Variants in CD109 observed in about 807,000 individuals in gnomAD.
CD109 encodes CD109 molecule, also known as CD109 antigen.
In CD109, 149 loss-of-function variants were observed where a neutral mutation model predicts 165.8. The ratio of observed to expected loss-of-function variants is 0.90; its 90% confidence interval spans 0.79 to 1.03. The LOEUF (loss-of-function observed/expected upper bound fraction) is 1.03. Ranked by LOEUF, CD109 falls within the 50% of genes least tolerant of loss-of-function variation. The pLI is 0.00. For synonymous variants in CD109, 585 were observed against 592.1 expected, an observed-to-expected ratio of 0.99 and a Z score of 0.18; for missense variants, 1,712 against 1,677.8, an observed-to-expected ratio of 1.02 and a Z score of -0.36.
chr6:73,779,495 G>A (rs556926443), intron 15 of CD109, among the ~76,000 whole-genome samples: 47 of 152,036 alleles, frequency 3.1e-4, no homozygotes, highest in African/African-American at 1.1e-3. Flanking sequence ...TGATCCGCCC[G>A]CCTCGGCCTC....
At chr6:73,758,576 G>T (rs918168522) in intron 6 of CD109, among the ~76,000 whole-genome samples, 2 of 151,962 alleles carry the variant, frequency 1.3e-5, no homozygotes, top group East Asian at 1.9e-4. Context: ...GTAGAGATAG[G>T]ATTCACCATG....
At chr6:73,773,259 G>T (rs1769900725) in intron 15 of CD109, among the ~76,000 whole-genome samples, 2 of 150,594 alleles carry the variant, frequency 1.3e-5, no homozygotes, top group Non-Finnish European at 3.0e-5. Flanking sequence ...AATTTTTTCA[G>T]ATATTAAGAT....
chr6:73,769,734 A>G lies in CD109; in HGVS notation c.1674+1503A>G, dbSNP rs140694156. On this transcript the variant is annotated intron_variant, in intron 14 of 32. Coordinates refer to ENST00000287097, the MANE Select transcript of CD109 (RefSeq NM_133493.5). ...TAGAAATCATCCACACAGAAGTGCA[A>G]GTTGAAGCCATGGGGCTCTGAGGTA... 4.4e-4 allele frequency among the ~76,000 whole-genome samples: 67 copies of G among 152,324 alleles called. 1 individual carries two copies. The highest frequency in any genetic ancestry group is 6.8e-3 in the Middle Eastern group (2 of 294).
intron 11 of CD109, 49 bp from the exon 12 acceptor site, chr6:73,766,710 A>T (rs781266141): frequency 1.5e-6 from 2 of 1,309,102 alleles, no homozygotes; most frequent in Non-Finnish European, 2.2e-6. Context: ...TCTTTTCTCA[A>T]GGTGTTACTA....
chr6:73,762,511 A>G (rs965376163), intron 8 of CD109, 31 bp downstream of exon 8: 26 of 1,342,322 alleles, frequency 1.9e-5, no homozygotes, highest in Non-Finnish European at 2.7e-5. Flanking sequence ...ATAACTTGTG[A>G]TGGGTAAAAT....
intron 25 of CD109, among the ~76,000 whole-genome samples, 172 bp from the exon 26 acceptor site, chr6:73,807,911 G>A (rs574120297): frequency 6.6e-6 from 1 of 152,186 alleles, no homozygotes; most frequent in Non-Finnish European, 1.5e-5. Flanking sequence ...AAAATGCATG[G>A]CAAATCTTTA....
intron 26 of CD109, among the ~76,000 whole-genome samples, chr6:73,808,862 G>A (rs1303447570): frequency 1.3e-5 from 2 of 151,196 alleles, no homozygotes; most frequent in African/African-American, 4.9e-5. Flanking sequence ...GAGAGAGATG[G>A]AAGTGGGTGG....
intron 2 of CD109, among the ~76,000 whole-genome samples, chr6:73,719,927 A>G (rs1771882118): frequency 6.6e-6 from 1 of 152,320 alleles, no homozygotes; most frequent in Admixed American, 6.5e-5. Flanking sequence ...AGTCTTTCCC[A>G]TTAAAAGTAA....
intron 24 of CD109, among the ~76,000 whole-genome samples, chr6:73,804,617 C>T (rs1168869414): frequency 4.6e-5 from 7 of 152,180 alleles, no homozygotes; most frequent in Admixed American, 4.6e-4. Flanking sequence ...CAGATTTGGG[C>T]CAGGCAGATT....
chr6:73,783,740 A>G lies in CD109; in HGVS notation c.2139A>G (p.Val713=), dbSNP rs150533440. 121 of 1,612,358 alleles carry G rather than the reference A, an allele frequency of 7.5e-5. No individual in the cohort carries two copies. In the East Asian group the frequency reaches 1.6e-3, roughly 21 times the overall value. Reference sequence around the variant, plus strand: ...TTTACCAAGAATTTGAAGTAACTGTACCTGATTCTATCACTTCTTGGGTGG... The same window carrying G: ...TTTACCAAGAATTTGAAGTAACTGTGCCTGATTCTATCACTTCTTGGGTGG... The part of the protein sequence containing the change: ...YRIYQEFEVT[V]PDSITSWVAT... The change falls in exon 19 of 33, where the codon GTA becomes GTG. Residue 713 remains valine (V), a synonymous_variant. Coordinates refer to ENST00000287097, the MANE Select transcript of CD109 (RefSeq NM_133493.5).
rs574818465 is a variant in CD109 at position 73,696,230 on chromosome 6, G to C, written c.15G>C (p.Pro5=). Residue 5 remains proline (P), a synonymous_variant, in exon 1 of 33, where the codon CCG becomes CCC. Coordinates refer to ENST00000287097, the MANE Select transcript of CD109 (RefSeq NM_133493.5). The part of the protein sequence containing the change: MQGP[P]LLTAAHLLCV... ...ACGCCGTCGAGATGCAGGGCCCACC[G>C]CTCCTGACCGCCGCCCACCTCCTCT... The C allele has an allele frequency of 1.5e-4, 234 of 1,544,598 alleles. 5 individuals carry two copies. The South Asian group carries it at 2.7e-3, about 18-fold the overall frequency.
chr6:73,811,053 C>A lies in CD109; in HGVS notation c.3608C>A (p.Thr1203Lys). Residue 1203 changes from threonine to lysine, a missense_variant, in exon 28 of 33, where the codon ACA becomes AAA. Transcript: ENST00000287097. ...GCAGCCCTAATGAATACAGAAAGGA[C>A]AAATATCCAAGTGACCGTGACGGGG... ...EFAALMNTER[T>K]NIQVTVTGPS... 6.2e-7 allele frequency: 1 copy of A among 1,613,460 alleles called. No homozygotes were observed. The highest frequency in any genetic ancestry group is 8.5e-7 in the Non-Finnish European group (1 of 1,179,578).
intron 5 of CD109, among the ~76,000 whole-genome samples, chr6:73,741,105 T>C (rs569245162): frequency 6.6e-6 from 1 of 151,844 alleles, no homozygotes; most frequent in Non-Finnish European, 1.5e-5. Context: ...ATAGACTTTT[T>C]TTTTTTTTAC....
intron 7 of CD109, among the ~76,000 whole-genome samples, chr6:73,760,739 G>C (rs1240963806): frequency 6.6e-6 from 1 of 152,020 alleles, no homozygotes; most frequent in African/African-American, 2.4e-5. Context: ...CCAGCTATTC[G>C]GGAGGCTGAA....
intron 22 of CD109, among the ~76,000 whole-genome samples, chr6:73,791,629 A>G (rs558269344): frequency 6.6e-6 from 1 of 152,072 alleles, no homozygotes; most frequent in Non-Finnish European, 1.5e-5. Flanking sequence ...TTTTATTTTT[A>G]CATGTTGTTT....
chr6:73,773,032 T>C (rs1774101981), intron 15 of CD109, among the ~76,000 whole-genome samples: 1 of 151,632 alleles, frequency 6.6e-6, no homozygotes, highest in African/African-American at 2.4e-5. Flanking sequence ...TGTTATTTTA[T>C]AGCTTTCTAA....
the CD109 span, among the ~76,000 whole-genome samples, chr6:73,686,776 C>G: frequency 6.6e-6 from 1 of 152,158 alleles, no homozygotes; most frequent in Non-Finnish European, 1.5e-5. Context: ...ACTGCAAACT[C>G]CGCCTCCCGG....
At chr6:73,784,277 A>G (rs934335819) in intron 19 of CD109, among the ~76,000 whole-genome samples, 9 of 147,466 alleles carry the variant, frequency 6.1e-5, no homozygotes, top group African/African-American at 2.3e-4. Context: ...GAGGAATATA[A>G]TGACCATGAG....
intron 22 of CD109, among the ~76,000 whole-genome samples, chr6:73,789,725 G>A (rs979571532): frequency 2.0e-5 from 3 of 149,632 alleles, no homozygotes; most frequent in African/African-American, 7.4e-5. Flanking sequence ...CTCCCAAAGT[G>A]CTGGGATTAC....
Sources: gnomAD v4.1 joint callset for allele counts (sites outside exome capture counted in the v4.1 genomes callset) on GRCh38, gnomAD v4.1.1 for gene constraint, MANE v1.5 for transcripts, NCBI Gene and HGNC (gene_info 2026-07-23, HGNC 2026-07-21) for gene names.